The following BMAL1 variants were observed in gnomAD, a reference collection of about 807,000 sequenced individuals.
BMAL1 encodes the protein basic helix-loop-helix ARNT-like protein 1.
At chr11:13,360,731 T>C in the BMAL1 span, among the ~76,000 whole-genome samples, 1 of 152,212 alleles carries the variant, frequency 6.6e-6, no homozygotes, top group Non-Finnish European at 1.5e-5. Flanking sequence ...CATGAAGATT[T>C]TAGGAAGGGA....
the BMAL1 span, among the ~76,000 whole-genome samples, chr11:13,304,893 T>G: frequency 3.3e-5 from 5 of 152,224 alleles, no homozygotes; most frequent in Admixed American, 2.0e-4. Context: ...CTTTGTGTGT[T>G]GACATCAGAC....
At chr11:13,300,058 T>C in the BMAL1 span, among the ~76,000 whole-genome samples, 1 of 152,188 alleles carries the variant, frequency 6.6e-6, no homozygotes, top group African/African-American at 2.4e-5. Flanking sequence ...AATTCCTGCA[T>C]TGACCTTGGC....
chr11:13,341,699 G>A, the BMAL1 span, among the ~76,000 whole-genome samples: 5 of 152,350 alleles, frequency 3.3e-5, no homozygotes, highest in South Asian at 1.0e-3. Context: ...GGTGAAAGGA[G>A]TATTACTCCC....
the BMAL1 span, among the ~76,000 whole-genome samples, chr11:13,322,356 C>A: frequency 1.3e-5 from 2 of 152,164 alleles, no homozygotes; most frequent in Non-Finnish European, 2.9e-5. Context: ...TCTTAGATTT[C>A]TTGAAGCTCT....
At chr11:13,376,905 C>G in the BMAL1 span, 5 of 601,468 alleles carry the variant, frequency 8.3e-6, no homozygotes, top group South Asian at 1.0e-4. Context: ...ATGTCACTTT[C>G]TCTGTTGAGC....
chr11:13,372,160 T>A, the BMAL1 span: 2 of 1,613,448 alleles, frequency 1.2e-6, no homozygotes, highest in African/African-American at 2.7e-5. Flanking sequence ...CTTTGCTTTC[T>A]AGCAGATCGA....
the BMAL1 span, among the ~76,000 whole-genome samples, chr11:13,364,420 T>C: frequency 8.5e-5 from 13 of 152,366 alleles, no homozygotes; most frequent in African/African-American, 3.1e-4. Flanking sequence ...TTCCTAGTTC[T>C]TTGAATTAAA....
the BMAL1 span, chr11:13,374,208 T>A: frequency 6.2e-7 from 1 of 1,610,152 alleles, no homozygotes; most frequent in Non-Finnish European, 8.5e-7. Context: ...CAAGGTAAGC[T>A]AGGATGTATG....
At chr11:13,341,627 C>G in the BMAL1 span, among the ~76,000 whole-genome samples, 6 of 152,214 alleles carry the variant, frequency 3.9e-5, no homozygotes, top group Non-Finnish European at 1.5e-5. Flanking sequence ...TCTTTTGTTT[C>G]CTTTAGAACA....
chr11:13,329,136 A>G, the BMAL1 span, among the ~76,000 whole-genome samples: 1 of 152,310 alleles, frequency 6.6e-6, no homozygotes, highest in African/African-American at 2.4e-5. Flanking sequence ...AGGCACAAGA[A>G]CACAAGATCA....
At chr11:13,372,290 A>C in the BMAL1 span, 1 of 1,614,174 alleles carries the variant, frequency 6.2e-7, no homozygotes, top group Non-Finnish European at 8.5e-7. Flanking sequence ...GCCTCGTCGC[A>C]ATTGGACGAC....
the BMAL1 span, among the ~76,000 whole-genome samples, chr11:13,303,076 C>T: frequency 6.6e-6 from 1 of 152,162 alleles, no homozygotes; most frequent in African/African-American, 2.4e-5. Context: ...TAATTATTCC[C>T]AATTTCTTTG....
the BMAL1 span, among the ~76,000 whole-genome samples, chr11:13,341,703 T>TA: frequency 6.6e-6 from 1 of 152,258 alleles, no homozygotes; most frequent in Non-Finnish European, 1.5e-5. Context: ...AAAGGAGTAT[T>TA]ACTCCCTGAG....
chr11:13,288,387 T>TTTTC, the BMAL1 span, among the ~76,000 whole-genome samples: 23,774 of 66,448 alleles, frequency 0.36, 2,050 homozygotes, highest in East Asian at 0.55. Flanking sequence ...TGATTGGGGA[T>TTTTC]TTTCTTTTTT....
the BMAL1 span, among the ~76,000 whole-genome samples, chr11:13,332,513 TG>T: frequency 6.6e-6 from 1 of 152,244 alleles, no homozygotes; most frequent in South Asian, 2.1e-4. Context: ...TTCTTGGATC[TG>T]GATTATAATT....
chr11:13,322,781 T>TAG, the BMAL1 span, among the ~76,000 whole-genome samples: 1 of 125,180 alleles, frequency 8.0e-6, no homozygotes, highest in South Asian at 2.9e-4. Flanking sequence ...AGCAAGTCTT[T>TAG]TTTTTTTTTT....
At chr11:13,289,760 A>G in the BMAL1 span, among the ~76,000 whole-genome samples, 1 of 152,042 alleles carries the variant, frequency 6.6e-6, no homozygotes, top group African/African-American at 2.4e-5. Context: ...TGTGTGCCAC[A>G]TTTTCTTAAT....
At chr11:13,372,504 C>A in the BMAL1 span, 1 of 1,533,764 alleles carries the variant, frequency 6.5e-7, no homozygotes, top group Non-Finnish European at 8.8e-7. Flanking sequence ...GCTGGCTTTT[C>A]TAAGAATGAA....
chr11:13,355,918 T>A, the BMAL1 span, among the ~76,000 whole-genome samples: 2 of 152,126 alleles, frequency 1.3e-5, no homozygotes, highest in Admixed American at 6.5e-5. Flanking sequence ...TCCTGTGGGA[T>A]AAAGGAAAAA....
Sources: allele counts gnomAD v4.1 joint callset (sites outside exome capture counted in the v4.1 genomes callset), GRCh38; gene constraint gnomAD v4.1.1; transcripts MANE v1.5; gene names NCBI Gene and HGNC (gene_info 2026-07-23, HGNC 2026-07-21).